The following PIP5K1B variants were observed in gnomAD, a reference collection of about 807,000 sequenced individuals.
PIP5K1B encodes the protein phosphatidylinositol 4-phosphate 5-kinase type-1 beta.
PIP5K1B carries 42 observed loss-of-function variants against 67.0 expected under a neutral mutation model. That is an observed-to-expected ratio of 0.63 (90% CI 0.49 to 0.81). The LOEUF (loss-of-function observed/expected upper bound fraction) is 0.81. Among genes scored for constraint, PIP5K1B ranks in the 30% least tolerant of loss-of-function variants. The pLI is 0.00. For synonymous variants in PIP5K1B, 214 were observed against 231.4 expected, an observed-to-expected ratio of 0.92 and a Z score of 0.68; for missense variants, 459 against 646.3, an observed-to-expected ratio of 0.71 and a Z score of 3.14.
At chr9:68,979,544 A>AGCCACCCC (rs1829796184) in intron 14 of PIP5K1B, among the ~76,000 whole-genome samples, 1 of 152,170 alleles carries the variant, frequency 6.6e-6, no homozygotes, top group African/African-American at 2.4e-5. Context: ...ATATCCTATC[A>AGCCACCCC]CACACAGAGT....
intron 4 of PIP5K1B, among the ~76,000 whole-genome samples, chr9:68,837,183 G>T (rs1368056360): frequency 6.6e-6 from 1 of 152,180 alleles, no homozygotes; most frequent in Non-Finnish European, 1.5e-5. Context: ...GCACCTGTTT[G>T]TGTTAGGCAG....
intron 8 of PIP5K1B, 115 bp from the exon 9 acceptor site, chr9:68,917,433 G>C: frequency 1.3e-6 from 1 of 763,836 alleles, no homozygotes; most frequent in Non-Finnish European, 2.3e-6. Context: ...CAGCCACCCC[G>C]CTGGGAGGAA....
At chr9:68,926,858 ACCATGC>A (rs1432643696) in intron 12 of PIP5K1B, among the ~76,000 whole-genome samples, 2 of 152,138 alleles carry the variant, frequency 1.3e-5, no homozygotes, top group Non-Finnish European at 2.9e-5. Context: ...GGCATGAGCC[ACCATGC>A]CCAGCGATTT....
chr9:68,795,269 T>G (rs1244028989), intron 2 of PIP5K1B, among the ~76,000 whole-genome samples: 12 of 152,226 alleles, frequency 7.9e-5, no homozygotes, highest in African/African-American at 2.9e-4. Context: ...CTTTCTGATT[T>G]TAGGCAAATT....
At chr9:68,885,201 C>T (rs1334064552) in intron 6 of PIP5K1B, among the ~76,000 whole-genome samples, 3 of 152,108 alleles carry the variant, frequency 2.0e-5, no homozygotes, top group East Asian at 3.8e-4. Context: ...TGAAAGGAGC[C>T]AGGCACAGAA....
chr9:68,795,425 C>T (rs1043708746), intron 2 of PIP5K1B, among the ~76,000 whole-genome samples: 4 of 151,928 alleles, frequency 2.6e-5, no homozygotes, highest in African/African-American at 4.8e-5. Context: ...AATGGAAACC[C>T]GAAGAATATA....
intron 4 of PIP5K1B, among the ~76,000 whole-genome samples, chr9:68,855,383 A>T (rs1262714803): frequency 6.6e-6 from 1 of 152,152 alleles, no homozygotes; most frequent in Non-Finnish European, 1.5e-5. Context: ...TATCATTTAT[A>T]TGCTAACAAC....
intron 15 of PIP5K1B, among the ~76,000 whole-genome samples, chr9:69,000,170 C>T (rs940916253): frequency 6.6e-6 from 1 of 152,086 alleles, no homozygotes; most frequent in African/African-American, 2.4e-5. Flanking sequence ...TGGGATTCAA[C>T]ACAGAAAATG....
chr9:68,764,422 G>T lies in PIP5K1B; in HGVS notation c.-86+21765G>T, dbSNP rs75678341. On this transcript the variant is annotated intron_variant, in intron 2 of 15. Transcript: ENST00000265382. ...AATCATCTCTAACATTAGATTTTGA[G>T]ATCCATTCTGTTTGAGGACCTGTAG... 2.5e-4 allele frequency among the ~76,000 whole-genome samples: 38 copies of T among 152,086 alleles called. No individual in the cohort carries two copies. The East Asian group carries it at 6.0e-3, about 24-fold the overall frequency.
intron 13 of PIP5K1B, 27 bp downstream of exon 13, chr9:68,935,072 G>A: frequency 1.3e-6 from 2 of 1,592,060 alleles, no homozygotes; most frequent in East Asian, 2.2e-5. Context: ...TTTTTAAAAA[G>A]ACAAACGTTC....
intron 12 of PIP5K1B, among the ~76,000 whole-genome samples, chr9:68,924,401 CAAAAA>C (rs71353093): frequency 3.5e-5 from 3 of 86,768 alleles, no homozygotes; most frequent in Admixed American, 1.4e-4. Context: ...CACTGCGCCT[CAAAAA>C]AAAAAAAAAA....
intron 2 of PIP5K1B, chr9:68,783,604 A>T (rs906467621): frequency 2.4e-5 from 4 of 166,968 alleles, no homozygotes; most frequent in African/African-American, 9.7e-5. Context: ...GGAAACCAAC[A>T]TGTCATTGAC....
intron 2 of PIP5K1B, among the ~76,000 whole-genome samples, chr9:68,770,682 G>A (rs1199621285): frequency 6.6e-6 from 1 of 152,176 alleles, no homozygotes; most frequent in African/African-American, 2.4e-5. Flanking sequence ...CTGTGCATGT[G>A]AGGGATCTAG....
intron 15 of PIP5K1B, among the ~76,000 whole-genome samples, chr9:69,007,650 G>C (rs1228400413): frequency 3.9e-5 from 6 of 152,150 alleles, no homozygotes; most frequent in Non-Finnish European, 8.8e-5. Context: ...TAGGTCAGGA[G>C]TTCAAGACCA....
intron 6 of PIP5K1B, among the ~76,000 whole-genome samples, chr9:68,888,720 G>A (rs1461107739): frequency 6.6e-6 from 1 of 152,180 alleles, no homozygotes; most frequent in African/African-American, 2.4e-5. Flanking sequence ...CTGATAGGAT[G>A]ATTCATGATT....
At chr9:68,799,768 A>G (rs1339225546) in intron 2 of PIP5K1B, among the ~76,000 whole-genome samples, 1 of 152,174 alleles carries the variant, frequency 6.6e-6, no homozygotes, top group East Asian at 1.9e-4. Flanking sequence ...ATAATACCTG[A>G]AACTGTGAAA....
At chr9:68,789,445 G>T in intron 2 of PIP5K1B, 1 of 493,506 alleles carries the variant, frequency 2.0e-6, no homozygotes, top group South Asian at 1.5e-5. Context: ...CAAATAGAGG[G>T]GAGACCTCCA....
In PIP5K1B at chr9:68,989,142, G is replaced by GT. The variant is rs563683877; in HGVS notation, c.1503-1988dup. Reference sequence around the variant, plus strand: ...AAAATCCACACAATTCTTTTAACAAGTTTTTTTTTTAATATTAAAAAGGTC... The same window carrying GT: ...AAAATCCACACAATTCTTTTAACAAGTTTTTTTTTTTAATATTAAAAAGGTC... On this transcript the variant is annotated intron_variant, in intron 14 of 15. Transcript: ENST00000265382. 1.2e-3 allele frequency among the ~76,000 whole-genome samples: 155 copies of GT among 131,404 alleles called. 2 individuals carry two copies. Among genetic ancestry groups the GT allele is most frequent in the Non-Finnish European group, 1.8e-3 (111 of 61,000 alleles). The allele number at this position is 131,404 out of a possible 152,430, so 86.2% of individuals were successfully genotyped here. A position where few individuals can be genotyped will look rare whatever the true frequency, so the allele number is the denominator to read the frequency against.
chr9:68,999,278 G>A (rs114374945), intron 15 of PIP5K1B, among the ~76,000 whole-genome samples: 3,537 of 152,226 alleles, frequency 0.023, 132 homozygotes, highest in African/African-American at 0.081. Flanking sequence ...TAAGGTTACG[G>A]TCTGAGGCTC....
Sources: gnomAD v4.1 joint callset for allele counts (sites outside exome capture counted in the v4.1 genomes callset) on GRCh38, gnomAD v4.1.1 for gene constraint, MANE v1.5 for transcripts, NCBI Gene and HGNC (gene_info 2026-07-23, HGNC 2026-07-21) for gene names.